The following SLCO2A1 variants were observed in gnomAD, a reference collection of about 807,000 sequenced individuals.
SLCO2A1 encodes the protein solute carrier organic anion transporter family member 2A1.
A neutral mutation model predicts 71.7 loss-of-function variants in SLCO2A1; 60 were observed. That is an observed-to-expected ratio of 0.84 (90% CI 0.68 to 1.04). The LOEUF (loss-of-function observed/expected upper bound fraction) is 1.04. Among genes scored for constraint, SLCO2A1 ranks in the 50% least tolerant of loss-of-function variants. The pLI, the probability that SLCO2A1 is intolerant of heterozygous loss-of-function variation, is 0.00. For missense variants in SLCO2A1, 745 were observed against 813.4 expected (o/e 0.92, Z 1.02); for synonymous variants, 308 against 326.7 (o/e 0.94, Z 0.62).
At chr3:133,949,022 A>C in intron 6 of SLCO2A1, 51 bp from the exon 7 acceptor site, 1 of 1,497,782 alleles carries the variant, frequency 6.7e-7, no homozygotes, top group Admixed American at 1.7e-5. Flanking sequence ...CACTGTAGCC[A>C]CCCTTCCCTG....
intron 3 of SLCO2A1, among the ~76,000 whole-genome samples, chr3:133,970,519 A>G (rs1339468823): frequency 6.6e-6 from 1 of 152,264 alleles, no homozygotes; most frequent in Admixed American, 6.5e-5. Flanking sequence ...TATTCCCATG[A>G]AGTAAGACTT....
In SLCO2A1 at chr3:133,933,080, G is replaced by A. The variant is rs1933180053; in HGVS notation, c.*1633C>T. ...AATATTTTGGCATATCACCATATGA[G>A]GCTTTTCCAGAGGTGGCTTCCAGTA... On this transcript the variant is annotated 3_prime_UTR_variant, in exon 14 of 14. Coordinates refer to ENST00000310926, the MANE Select transcript of SLCO2A1 (RefSeq NM_005630.3). 6.6e-6 allele frequency: 1 copy of A among 152,402 alleles called. No individual in the cohort carries two copies. The highest frequency in any genetic ancestry group is 2.4e-5 in the African/African-American group (1 of 41,442). The allele number at this position is 152,402 out of a possible 1,614,324, so 9.4% of individuals were successfully genotyped here. A position where few individuals can be genotyped will look rare whatever the true frequency, so the allele number is the denominator to read the frequency against.
Position 133,942,620 on chromosome 3 carries a change from T to C in SLCO2A1, c.1610A>G (p.Tyr537Cys). The C allele has an allele frequency of 1.9e-6, 3 of 1,612,098 alleles. No individual in the cohort carries two copies. Among genetic ancestry groups the C allele is most frequent in the Non-Finnish European group, 2.5e-6 (3 of 1,179,256 alleles). Residue 537 changes from tyrosine to cysteine, a missense_variant, in exon 11 of 14, where the codon TAC (tyrosine) becomes TGC (cysteine). Coordinates refer to ENST00000310926, the MANE Select transcript of SLCO2A1 (RefSeq NM_005630.3). ...LIACISHNPL[Y>C]MMVLRVVNQE... ...TGCCACTCACCGCAGAACCATCATG[T>C]AGAGGGGGTTGTGGGAGATGCAGGC... is the stretch of plus-strand genomic sequence containing the variant.
chr3:133,998,405 C>T (rs753237801), intron 1 of SLCO2A1, among the ~76,000 whole-genome samples: 1 of 152,226 alleles, frequency 6.6e-6, no homozygotes. Flanking sequence ...GTCCTGCCTC[C>T]CCCTGCTCCC....
chr3:133,959,692 G>A (rs1246428695), intron 3 of SLCO2A1, among the ~76,000 whole-genome samples: 1 of 152,074 alleles, frequency 6.6e-6, no homozygotes, highest in African/African-American at 2.4e-5. Context: ...TGGGCATGGT[G>A]GTACGTGCCT....
intron 5 of SLCO2A1, among the ~76,000 whole-genome samples, chr3:133,952,072 G>T (rs898789513): frequency 1.3e-5 from 2 of 152,214 alleles, no homozygotes; most frequent in Non-Finnish European, 2.9e-5. Flanking sequence ...GGAAGGAGAA[G>T]GTGGCAGAAC....
chr3:133,948,833 CT>C (rs1262495574), intron 7 of SLCO2A1, 59 bp downstream of exon 7: 6 of 1,596,900 alleles, frequency 3.8e-6, no homozygotes, highest in Non-Finnish European at 5.2e-6. Context: ...TGGGGTCCCC[CT>C]GGCCACTATC....
At chr3:133,981,828 A>C (rs1057492733) in intron 1 of SLCO2A1, among the ~76,000 whole-genome samples, 1 of 152,104 alleles carries the variant, frequency 6.6e-6, no homozygotes, top group Non-Finnish European at 1.5e-5. Context: ...TACAAAAATT[A>C]ACCAGGCGTG....
At chr3:133,964,639 A>T (rs1934122265) in intron 3 of SLCO2A1, among the ~76,000 whole-genome samples, 1 of 152,216 alleles carries the variant, frequency 6.6e-6, no homozygotes, top group Non-Finnish European at 1.5e-5. Context: ...CAGTGGAAGG[A>T]GGAACTGCTC....
At chr3:133,973,611 G>A (rs1441067980) in intron 3 of SLCO2A1, 52 bp downstream of exon 3, 4 of 1,593,538 alleles carry the variant, frequency 2.5e-6, no homozygotes, top group African/African-American at 2.7e-5. Flanking sequence ...CTAACTTTGT[G>A]AGATGTTCAC....
chr3:133,948,580 T>C lies in SLCO2A1; in HGVS notation c.1061A>G (p.Glu354Gly), dbSNP rs1933647012. The C allele has an allele frequency of 6.2e-7, 1 of 1,614,072 alleles. No homozygotes were observed. The highest frequency in any genetic ancestry group is 8.5e-7 in the Non-Finnish European group (1 of 1,179,998). Reference sequence around the variant, plus strand: ...GGCTGCTGAGGTGCCATACTGCTTCTCCAGGAACTTGTTGAGGAAGGTGGA... The same window carrying C: ...GGCTGCTGAGGTGCCATACTGCTTCCCCAGGAACTTGTTGAGGAAGGTGGA... ...GLSTFLNKFL[E>G]KQYGTSAAYA... The change falls in exon 8 of 14, where the codon GAG becomes GGG. Residue 354 changes from glutamate to glycine, a missense_variant. Physicochemically the swap from Glu to Gly is moderately conservative, Grantham distance 98 (BLOSUM62 -2). Coordinates refer to ENST00000310926, the MANE Select transcript of SLCO2A1 (RefSeq NM_005630.3).
intron 1 of SLCO2A1, among the ~76,000 whole-genome samples, chr3:134,013,357 T>C (rs1480921164): frequency 6.6e-6 from 1 of 151,852 alleles, no homozygotes; most frequent in Non-Finnish European, 1.5e-5. Flanking sequence ...AATCCTATTC[T>C]GCAATCTCTT....
intron 5 of SLCO2A1, 34 bp downstream of exon 5, chr3:133,953,629 G>A: frequency 6.5e-7 from 1 of 1,548,860 alleles, no homozygotes; most frequent in Non-Finnish European, 8.9e-7. Flanking sequence ...TATTGAGCTG[G>A]GGATGGGAAT....
At chr3:134,004,921 T>C (rs986835237) in intron 1 of SLCO2A1, among the ~76,000 whole-genome samples, 9 of 152,262 alleles carry the variant, frequency 5.9e-5, no homozygotes, top group Middle Eastern at 3.2e-3. Flanking sequence ...TGATAATTTG[T>C]TACAGCAGCA....
At chr3:133,939,521 C>T (rs1448892355) in intron 11 of SLCO2A1, among the ~76,000 whole-genome samples, 1 of 152,226 alleles carries the variant, frequency 6.6e-6, no homozygotes, top group Non-Finnish European at 1.5e-5. Flanking sequence ...CCACCACCAT[C>T]ACAGTTCTGC....
chr3:134,016,909 T>C lies in SLCO2A1; in HGVS notation c.96+12798A>G, dbSNP rs542042889. Among the ~76,000 whole-genome samples, 12 of 152,350 alleles carry C rather than the reference T, an allele frequency of 7.9e-5. No individual in the cohort carries two copies. The East Asian group carries it at 2.3e-3, about 29-fold the overall frequency. On this transcript the variant is annotated intron_variant, in intron 1 of 13. Coordinates refer to ENST00000310926, the MANE Select transcript of SLCO2A1 (RefSeq NM_005630.3). ...ACTTGGATGGATCTCAAGGGCATAA[T>C]GCTGAATGAAAAAAGCCAATCTCAA...
At chr3:133,989,187 A>C (rs1467134114) in intron 1 of SLCO2A1, among the ~76,000 whole-genome samples, 1 of 152,216 alleles carries the variant, frequency 6.6e-6, no homozygotes, top group Non-Finnish European at 1.5e-5. Context: ...AAGAACCTCA[A>C]ATGGTTACTT....
At chr3:133,952,631 G>A (rs1933773308) in intron 5 of SLCO2A1, among the ~76,000 whole-genome samples, 1 of 152,228 alleles carries the variant, frequency 6.6e-6, no homozygotes, top group Non-Finnish European at 1.5e-5. Flanking sequence ...TCCCTGAATG[G>A]TTAACTCAGA....
intron 1 of SLCO2A1, among the ~76,000 whole-genome samples, chr3:133,990,785 G>A (rs1934823193): frequency 6.6e-6 from 1 of 152,142 alleles, no homozygotes; most frequent in African/African-American, 2.4e-5. Flanking sequence ...TCAGAAGGGT[G>A]ACTCCTGGCT....
Sources: allele counts gnomAD v4.1 joint callset (sites outside exome capture counted in the v4.1 genomes callset), GRCh38; gene constraint gnomAD v4.1.1; transcripts MANE v1.5; gene names NCBI Gene and HGNC (gene_info 2026-07-23, HGNC 2026-07-21).